The following NID1 variants were observed in gnomAD, a reference collection of about 807,000 sequenced individuals.
NID1 encodes nidogen-1.
In NID1, 76 loss-of-function variants were observed where a neutral mutation model predicts 130.6. The ratio of observed to expected loss-of-function variants is 0.58; its 90% CI spans 0.48 to 0.70. NID1 has a LOEUF of 0.70. Among genes scored for constraint, NID1 ranks in the 30% least tolerant of loss-of-function variants. The pLI is 0.00. For missense variants in NID1, 1,517 were observed against 1,664.8 expected, an observed-to-expected ratio of 0.91 and a Z score of 1.54; for synonymous variants, 665 against 675.1, an observed-to-expected ratio of 0.98 and a Z score of 0.23.
chr1:236,013,674 T>A, intron 10 of NID1, 114 bp from the exon 11 acceptor site: 1 of 1,199,282 alleles, frequency 8.3e-7, no homozygotes. Flanking sequence ...CCTCTAGGCA[T>A]GTCCACAGCT....
chr1:236,046,856 C>G (rs1659616396), intron 2 of NID1, among the ~76,000 whole-genome samples: 1 of 152,240 alleles, frequency 6.6e-6, no homozygotes, highest in South Asian at 2.1e-4. Flanking sequence ...CCCTAACAGA[C>G]TTTCCCAAAG....
rs139428533 is a variant in NID1 at position 236,040,288 on chromosome 1, C to G, written c.1135+1622G>C. Reference sequence around the variant, plus strand: ...GGAACCCAGGGTGCAGTAGGAGAACCTAAGACATGAGCCCCTGTCCTTGTC... The same window carrying G: ...GGAACCCAGGGTGCAGTAGGAGAACGTAAGACATGAGCCCCTGTCCTTGTC... On this transcript the variant is annotated intron_variant, in intron 4 of 19. Transcript: ENST00000264187. Among the ~76,000 whole-genome samples the G allele has an allele frequency of 5.7e-3, 873 of 152,264 alleles. 3 individuals carry two copies. The highest frequency in any genetic ancestry group is 9.2e-3 in the Non-Finnish European group (629 of 68,020).
Position 236,017,678 on chromosome 1 carries a change from CT to C in NID1, c.2129-406del, listed in dbSNP as rs1658642886. 2.6e-5 allele frequency among the ~76,000 whole-genome samples: 4 copies of C among 152,244 alleles called. No homozygotes were observed. In the East Asian group the frequency reaches 5.8e-4, roughly 22 times the overall value. ...GGATTACAGGCGTGAGCCACCGCCCCTAGCCTAAAATAAATTTTCTATGTAT... is the reference window on the plus strand; with the variant it reads ...GGATTACAGGCGTGAGCCACCGCCCCAGCCTAAAATAAATTTTCTATGTAT... On this transcript the variant is annotated intron_variant, in intron 9 of 19. Coordinates refer to ENST00000264187, the MANE Select transcript of NID1 (RefSeq NM_002508.3).
intron 13 of NID1, among the ~76,000 whole-genome samples, 167 bp downstream of exon 13, chr1:235,993,478 C>G (rs911324694): frequency 9.9e-5 from 15 of 152,042 alleles, no homozygotes; most frequent in African/African-American, 3.6e-4. Context: ...CGGGGAGGAG[C>G]GGGGTAAGTG....
At chr1:236,059,644 G>T (rs1374813207) in intron 1 of NID1, among the ~76,000 whole-genome samples, 3 of 152,136 alleles carry the variant, frequency 2.0e-5, no homozygotes, top group African/African-American at 7.2e-5. Context: ...GCATGAAATA[G>T]AAATAGAAAC....
chr1:236,006,303 T>A (rs1417260705), intron 12 of NID1, among the ~76,000 whole-genome samples: 1 of 152,064 alleles, frequency 6.6e-6, no homozygotes, highest in Non-Finnish European at 1.5e-5. Context: ...AATTAATGGG[T>A]CTAGGCAGTA....
chr1:236,014,730 C>G (rs1658532612), intron 10 of NID1, among the ~76,000 whole-genome samples: 1 of 152,144 alleles, frequency 6.6e-6, no homozygotes, highest in African/African-American at 2.4e-5. Flanking sequence ...CTGATGCATG[C>G]CATCATGCCC....
chr1:236,064,781 C>CCGTCCGGCTCCACGGGCG (rs1271797140), intron 1 of NID1, 74 bp downstream of exon 1: 23 of 1,433,982 alleles, frequency 1.6e-5, no homozygotes, highest in Non-Finnish European at 2.1e-5. Context: ...ACGCCCAAGT[C>CCGTCCGGCTCCACGGGCG]CGTCCGGCTC....
At chr1:236,063,028 C>T (rs1660084431) in intron 1 of NID1, among the ~76,000 whole-genome samples, 1 of 151,574 alleles carries the variant, frequency 6.6e-6, no homozygotes, top group South Asian at 2.1e-4. Flanking sequence ...GTGGTGCGTG[C>T]CTATAGTCCC....
intron 10 of NID1, among the ~76,000 whole-genome samples, chr1:236,013,862 T>C (rs1658506076): frequency 6.7e-6 from 1 of 149,996 alleles, no homozygotes; most frequent in Non-Finnish European, 1.5e-5. Context: ...TAGATCCCCA[T>C]CACAGGTCCC....
chr1:236,013,442 T>G lies in NID1; in HGVS notation c.2373A>C (p.Pro791=). 1.2e-6 allele frequency: 2 copies of G among 1,614,010 alleles called. No individual in the cohort carries two copies. The highest frequency in any genetic ancestry group is 1.1e-5 in the South Asian group (1 of 91,068). The change falls in exon 11 of 20, where the codon CCA becomes CCC. Residue 791 remains proline (P), a synonymous_variant. Coordinates refer to ENST00000264187, the MANE Select transcript of NID1 (RefSeq NM_002508.3). ...GGSSYTCSCL[P]GFSGDGQACQ... ...AGGCTTGGCCATCCCCAGAAAAGCCTGGCAAGCAGGAACAGGTGTAGGAGG... is the reference window on the plus strand; with the variant it reads ...AGGCTTGGCCATCCCCAGAAAAGCCGGGCAAGCAGGAACAGGTGTAGGAGG...
At chr1:235,983,559 G>T (rs1041879519) in intron 15 of NID1, among the ~76,000 whole-genome samples, 1 of 152,108 alleles carries the variant, frequency 6.6e-6, no homozygotes, top group Non-Finnish European at 1.5e-5. Context: ...ATAAAACAGA[G>T]AATATAGGCT....
chr1:236,027,567 G>A (rs1658974328), intron 7 of NID1, among the ~76,000 whole-genome samples: 3 of 152,318 alleles, frequency 2.0e-5, no homozygotes, highest in South Asian at 2.1e-4. Flanking sequence ...GATGGCTCAC[G>A]CCTGTAATCA....
intron 14 of NID1, among the ~76,000 whole-genome samples, chr1:235,986,873 C>A (rs1048676609): frequency 6.6e-6 from 1 of 152,240 alleles, no homozygotes; most frequent in Admixed American, 6.5e-5. Context: ...ACTTCTCTGG[C>A]CTTCCGTGGT....
intron 4 of NID1, among the ~76,000 whole-genome samples, chr1:236,040,999 G>T (rs1659436097): frequency 6.6e-6 from 1 of 152,070 alleles, no homozygotes; most frequent in Admixed American, 6.6e-5. Context: ...AAAGCATCCA[G>T]GAGTTCTATT....
intron 14 of NID1, among the ~76,000 whole-genome samples, chr1:235,989,864 GA>G (rs1657680003): frequency 6.6e-6 from 1 of 152,226 alleles, no homozygotes; most frequent in African/African-American, 2.4e-5. Flanking sequence ...TGTGTTCCAG[GA>G]CCAGCCAGAG....
chr1:236,027,544 G>T (rs1028906767), intron 7 of NID1, among the ~76,000 whole-genome samples: 4 of 152,124 alleles, frequency 2.6e-5, no homozygotes, highest in Admixed American at 6.6e-5. Context: ...CCTTTAAAAA[G>T]GTGGCCAGGC....
At chr1:236,052,155 T>C (rs2102848214) in intron 1 of NID1, among the ~76,000 whole-genome samples, 1 of 152,366 alleles carries the variant, frequency 6.6e-6, no homozygotes, top group East Asian at 1.9e-4. Flanking sequence ...GTAAACTTCA[T>C]TTTCCTGGAA....
rs1019429385 is a variant in NID1, at chr1:236,042,168, C to A, written c.877G>T (p.Asp293Tyr). Reference sequence around the variant, plus strand: ...GTGGTCGCCAGGTCATAATCTTCATCCTCATCATCATACTCTGCCCCATCT... The same window carrying A: ...GTGGTCGCCAGGTCATAATCTTCATACTCATCATCATACTCTGCCCCATCT... The part of the protein sequence containing the change: ...TEDGAEYDDE[D>Y]EDYDLATTRL... The change falls in exon 4 of 20, where the codon GAT (aspartate) becomes TAT (tyrosine). Residue 293 changes from aspartate (D) to tyrosine (Y), a missense_variant. By Grantham distance (160) the Asp-to-Tyr change is radical. This residue lies in a region of NID1 where 1,329 missense variants were observed against 1,429.2 expected (regional missense o/e 0.93). Coordinates refer to ENST00000264187, the MANE Select transcript of NID1 (RefSeq NM_002508.3). The A allele has an allele frequency of 1.2e-6, 2 of 1,614,114 alleles. No individual in the cohort carries two copies. Among genetic ancestry groups the A allele is most frequent in the South Asian group, 1.1e-5 (1 of 91,086 alleles).
Sources: gnomAD v4.1 joint callset for allele counts (sites outside exome capture counted in the v4.1 genomes callset) on GRCh38, gnomAD v4.1.1 for gene constraint, gnomAD v4.1.1 regional missense constraint, MANE v1.5 for transcripts, NCBI Gene and HGNC (gene_info 2026-07-23, HGNC 2026-07-21) for gene names.